SPATA13: variants seen among roughly 807,000 people sequenced by gnomAD.
SPATA13 encodes spermatogenesis-associated protein 13.
A neutral mutation model predicts 104.0 loss-of-function variants in SPATA13; 50 were observed. The ratio of observed to expected loss-of-function variants is 0.48; its 90% confidence interval spans 0.38 to 0.61. The LOEUF is 0.61. Ranked by LOEUF, SPATA13 falls within the 20% of genes least tolerant of loss-of-function variation. The probability of loss-of-function intolerance (pLI) is 0.00; values close to 1 mark genes in which losing one functional copy is unlikely to be tolerated. For missense variants in SPATA13, 1,524 were observed against 1,690.6 expected (o/e 0.90, Z 1.73); for synonymous variants, 606 against 667.5 (o/e 0.91, Z 1.42).
In SPATA13 at chr13:24,209,785, A is replaced by T. The variant is rs190258021; in HGVS notation, c.-111-13034A>T. On this transcript the variant is annotated intron_variant, in intron 1 of 12. Coordinates refer to ENST00000382108, the MANE Select transcript of SPATA13 (RefSeq NM_001166271.3). ...TCGTTTTTTTGGATATATACCCAGT[A>T]TTGGGATTGCTGTATCATATGGTAG... 2.8e-3 allele frequency among the ~76,000 whole-genome samples: 420 copies of T among 152,200 alleles called. 2 individuals carry two copies. The highest frequency in any genetic ancestry group is 9.5e-3 in the African/African-American group (395 of 41,500).
chr13:24,295,444 C>G (rs1267650293), intron 10 of SPATA13, among the ~76,000 whole-genome samples: 1 of 151,998 alleles, frequency 6.6e-6, no homozygotes, highest in Non-Finnish European at 1.5e-5. Flanking sequence ...GACCCCATCT[C>G]TACAAAAAGT....
chr13:24,106,047 A>G (rs1339841741), intron 3 of SPATA13, among the ~76,000 whole-genome samples: 1 of 152,088 alleles, frequency 6.6e-6, no homozygotes, highest in African/African-American at 2.4e-5. Flanking sequence ...CCCAAAGAAG[A>G]TTTCTTTTAT....
At chr13:23,982,479 T>A (rs1411829988) in intron 1 of SPATA13, among the ~76,000 whole-genome samples, 2 of 152,118 alleles carry the variant, frequency 1.3e-5, no homozygotes, top group Non-Finnish European at 2.9e-5. Flanking sequence ...AAAGCAAAAA[T>A]AAACTTTACC....
Position 24,284,143 on chromosome 13 carries a change from G to C in SPATA13, c.2173G>C (p.Asp725His). 2 of 1,610,300 alleles carry C rather than the reference G, an allele frequency of 1.2e-6. No individual in the cohort carries two copies. Among genetic ancestry groups the C allele is most frequent in the Non-Finnish European group, 8.5e-7 (1 of 1,177,266 alleles). Residue 725 changes from aspartate (D) to histidine (H), a missense_variant, in exon 5 of 13, where the codon GAT (aspartate) becomes CAT (histidine). This residue lies in a region of SPATA13 where 1,089 missense variants were observed against 1,135.9 expected (regional missense o/e 0.96). Coordinates refer to ENST00000382108, the MANE Select transcript of SPATA13 (RefSeq NM_001166271.3). ...TGTTTTGTATGTTTTAGTTTCTTCA[G>C]ATGGAGGTACTGAGCCCTCTGCCTT... ...RQMRASNVSS[D>H]GGTEPSALVD...
chr13:24,041,951 C>G (rs1877945605), intron 3 of SPATA13, among the ~76,000 whole-genome samples: 1 of 152,230 alleles, frequency 6.6e-6, no homozygotes, highest in African/African-American at 2.4e-5. Flanking sequence ...TCGCCTTTTC[C>G]TCATGCTGTT....
At chr13:24,220,281 G>C (rs371935820) in intron 1 of SPATA13, among the ~76,000 whole-genome samples, 101 of 152,218 alleles carry the variant, frequency 6.6e-4, no homozygotes, top group African/African-American at 2.2e-3. Flanking sequence ...TTTCCTTCTT[G>C]GTTATAAAAG....
At chr13:24,198,613 T>G (rs1253441286) in intron 1 of SPATA13, among the ~76,000 whole-genome samples, 2 of 152,234 alleles carry the variant, frequency 1.3e-5, no homozygotes. Context: ...CATCAGTTTC[T>G]AGATAAATGT....
chr13:24,186,433 TC>T (rs933577405), intron 1 of SPATA13, among the ~76,000 whole-genome samples: 1 of 152,188 alleles, frequency 6.6e-6, no homozygotes, highest in African/African-American at 2.4e-5. Flanking sequence ...ATAATAGTCT[TC>T]AAACCAAGAG....
At chr13:24,141,324 T>A (rs963256181) in intron 3 of SPATA13, among the ~76,000 whole-genome samples, 2 of 152,100 alleles carry the variant, frequency 1.3e-5, no homozygotes, top group African/African-American at 2.4e-5. Context: ...ATTAATTAAT[T>A]AACCCTACAG....
rs1037047802 is a variant in SPATA13, at chr13:24,082,774, T to C, written c.-112+65073T>C. Reference sequence around the variant, plus strand: ...AGCGGAGCTTGCAGTGAGCCGAGATTGCGCCACTGCAGTCCGCAGTCCGGC... The same window carrying C: ...AGCGGAGCTTGCAGTGAGCCGAGATCGCGCCACTGCAGTCCGCAGTCCGGC... On this transcript the variant is annotated intron_variant, in intron 3 of 14. Transcript: ENST00000424834. Among the ~76,000 whole-genome samples, 16 of 131,802 alleles carry C rather than the reference T, an allele frequency of 1.2e-4. No individual in the cohort carries two copies. In the East Asian group the frequency reaches 3.3e-3, roughly 27 times the overall value. 86.5% of individuals were successfully genotyped at this position (131,802 alleles called of 152,430 possible).
At chr13:24,082,524 A>AAGATAAGAT (rs1879557773) in intron 3 of SPATA13, among the ~76,000 whole-genome samples, 1 of 152,182 alleles carries the variant, frequency 6.6e-6, no homozygotes, top group South Asian at 2.1e-4. Context: ...CAGCCAAAAT[A>AAGATAAGAT]AAAATAAGAT....
At chr13:24,142,581 T>A (rs1410895882) in intron 3 of SPATA13, among the ~76,000 whole-genome samples, 1 of 152,150 alleles carries the variant, frequency 6.6e-6, no homozygotes, top group African/African-American at 2.4e-5. Context: ...TTTCCTTGAC[T>A]TTTTTGTGTG....
intron 2 of SPATA13, among the ~76,000 whole-genome samples, chr13:24,007,415 C>A (rs1738676975): frequency 6.6e-6 from 1 of 152,172 alleles, no homozygotes. Context: ...CCTGCTGCAC[C>A]AGGGACAAGC....
rs931685222 is a variant in SPATA13 at position 24,148,339 on chromosome 13, A to C, written c.-111-74480A>C. Among the ~76,000 whole-genome samples the C allele has an allele frequency of 3.3e-5, 5 of 150,996 alleles. No individual in the cohort carries two copies. In the East Asian group the frequency reaches 9.7e-4, roughly 29 times the overall value. ...CCCGTTGTCTTTTGTGCACAATTTC[A>C]CAGAACACAAGGCTTTTTTGTTTTT... is the stretch of plus-strand genomic sequence containing the variant. On this transcript the variant is annotated intron_variant, in intron 3 of 14. Transcript: ENST00000424834.
chr13:24,247,702 C>CA (rs1279124043), intron 2 of SPATA13, among the ~76,000 whole-genome samples: 2 of 152,100 alleles, frequency 1.3e-5, no homozygotes, highest in Middle Eastern at 3.4e-3. Context: ...CAGCTGGTCT[C>CA]AAACTCCTGA....
At chr13:24,025,961 C>T (rs4462447) in intron 3 of SPATA13, among the ~76,000 whole-genome samples, 81,466 of 151,742 alleles carry the variant, frequency 0.54, 22,040 homozygotes, top group Middle Eastern at 0.56. Flanking sequence ...TATAGCACCA[C>T]GCCTGGCTAA....
chr13:24,015,750 A>G (rs375504758), intron 2 of SPATA13, among the ~76,000 whole-genome samples: 14 of 8,604 alleles, frequency 1.6e-3, no homozygotes, highest in African/African-American at 4.8e-3. Context: ...CCCCCCCCCA[A>G]TTCCTAGGTC....
chr13:24,178,998 A>G (rs757131753), intron 1 of SPATA13, among the ~76,000 whole-genome samples: 1 of 152,194 alleles, frequency 6.6e-6, no homozygotes, highest in Non-Finnish European at 1.5e-5. Flanking sequence ...ACATTTGACT[A>G]TTCTAGACAT....
rs1877579615 is a variant in SPATA13 at position 24,306,425 on chromosome 13, T to C, written c.*3652T>C. ...AACTTAGAATTGTCCCTCAAAGGAG[T>C]GTCAAGAAGTATGAATAAATGTCCT... On this transcript the variant is annotated 3_prime_UTR_variant, in exon 13 of 13. Transcript: ENST00000382108. The C allele has an allele frequency of 6.6e-6, 1 of 152,062 alleles. No homozygotes were observed. Among genetic ancestry groups the C allele is most frequent in the Admixed American group, 6.6e-5 (1 of 15,266 alleles). The allele number at this position is 152,062 out of a possible 1,614,324, so 9.4% of individuals were successfully genotyped here.
Sources: allele counts gnomAD v4.1 joint callset (sites outside exome capture counted in the v4.1 genomes callset), GRCh38; gene constraint gnomAD v4.1.1; regional missense constraint gnomAD v4.1.1; transcripts MANE v1.5; gene names NCBI Gene and HGNC (gene_info 2026-07-23, HGNC 2026-07-21).